Variants in PAX8 observed in about 807,000 individuals in gnomAD.
The protein encoded by PAX8 is paired box protein Pax-8.
PAX8 carries 15 observed loss-of-function variants against 52.4 expected under a neutral mutation model. That is an observed-to-expected ratio of 0.29 (90% CI 0.19 to 0.44). The LOEUF is 0.44. PAX8 is among the 20% of genes least tolerant of loss of function. The pLI is 1.00. For missense variants in PAX8, 554 were observed against 602.5 expected (o/e 0.92, Z 0.84); for synonymous variants, 284 against 249.7 (o/e 1.14, Z -1.29).
intron 11 of PAX8, among the ~76,000 whole-genome samples, chr2:113,219,349 G>A (rs142125805): frequency 3.9e-5 from 6 of 152,256 alleles, no homozygotes; most frequent in African/African-American, 7.2e-5. Context: ...GTCTGGCTCC[G>A]GTTTGCTCTG....
At position 113,235,441 on chromosome 2, in the gene PAX8, T is replaced by C. The variant is rs368377605; in HGVS notation, c.1040A>G (p.His347Arg). 2.2e-5 allele frequency: 36 copies of C among 1,608,704 alleles called. No homozygotes were observed. Among genetic ancestry groups the C allele is most frequent in the Admixed American group, 1.4e-4 (8 of 59,110 alleles). ...GAACTGCCCGTACACGGAGGCAGCA[T>C]GGGGAAAGGCATTGAAGGGCGGGAC... is the stretch of plus-strand genomic sequence containing the variant. ...SGVPPFNAFP[H>R]AASVYGQFTG... The change falls in exon 9 of 12, where the codon CAT (histidine) becomes CGT (arginine). Residue 347 changes from histidine to arginine, a missense_variant. Coordinates refer to ENST00000429538, the MANE Select transcript of PAX8 (RefSeq NM_003466.4).
At chr2:113,234,797 G>C (rs4849183) in intron 9 of PAX8, among the ~76,000 whole-genome samples, 84,198 of 152,104 alleles carry the variant, frequency 0.55, 23,898 homozygotes, top group African/African-American at 0.67. Flanking sequence ...GAATTACAGG[G>C]GTGAGCCACC....
In PAX8 at chr2:113,241,583, A is replaced by G; in HGVS notation, c.745T>C (p.Tyr249His). 1 of 1,610,966 alleles carries G rather than the reference A, an allele frequency of 6.2e-7. No individual in the cohort carries two copies. The highest frequency in any genetic ancestry group is 1.7e-4 in the Middle Eastern group (1 of 6,054). ...CCTTTGGTGTGGCTGGGGGAGGCATAGGCCTCTGGGTAGTGCTGCCGCTCA... is the reference window on the plus strand; with the variant it reads ...CCTTTGGTGTGGCTGGGGGAGGCATGGGCCTCTGGGTAGTGCTGCCGCTCA... ...PFERQHYPEA[Y>H]ASPSHTKGEQ... Residue 249 changes from tyrosine (Y) to histidine (H), a missense_variant, in exon 7 of 12, where the codon TAT becomes CAT. Tyr to His is a moderately conservative substitution (Grantham distance 83). Around this residue, in one of 2 missense-constraint regions of PAX8, gnomAD observed 445 missense variants for 409.9 expected, o/e 1.09. Transcript: ENST00000429538.
intron 9 of PAX8, among the ~76,000 whole-genome samples, chr2:113,231,778 G>C (rs1689908376): frequency 6.6e-6 from 1 of 152,004 alleles, no homozygotes; most frequent in African/African-American, 2.4e-5. Flanking sequence ...GCCCAGGCTG[G>C]AGTGCAATGG....
Position 113,220,382 on chromosome 2 carries a change from G to A in PAX8, c.1190-204C>T, listed in dbSNP as rs1689205987. On this transcript the variant is annotated intron_variant, in intron 10 of 11. Coordinates refer to ENST00000429538, the MANE Select transcript of PAX8 (RefSeq NM_003466.4). Reference sequence around the variant, plus strand: ...ATCGATCTGGAAAATTTGGGGCAGTGTCCTTTTCCGTAGGTACTGGAGGCA... The same window carrying A: ...ATCGATCTGGAAAATTTGGGGCAGTATCCTTTTCCGTAGGTACTGGAGGCA... The A allele has an allele frequency of 5.2e-6, 3 of 580,692 alleles. No homozygotes were observed. The South Asian group carries it at 6.2e-5, about 12-fold the overall frequency. 36.0% of individuals were successfully genotyped at this position (580,692 alleles called of 1,614,324 possible).
At chr2:113,261,036 T>C (rs1192227052) in intron 2 of PAX8, among the ~76,000 whole-genome samples, 1 of 152,046 alleles carries the variant, frequency 6.6e-6, no homozygotes, top group Non-Finnish European at 1.5e-5. Context: ...AGGAGCAAAA[T>C]CTGTGACAAA....
At chr2:113,231,152 T>C (rs66775912) in intron 9 of PAX8, among the ~76,000 whole-genome samples, 25,323 of 152,232 alleles carry the variant, frequency 0.17, 2,305 homozygotes, top group African/African-American at 0.25. Context: ...CTCGTTCTGA[T>C]AGCAAGGAGA....
At chr2:113,227,365 G>T (rs1689645408) in intron 9 of PAX8, 109 bp from the exon 10 acceptor site, 9 of 910,618 alleles carry the variant, frequency 9.9e-6, no homozygotes, top group Non-Finnish European at 1.5e-5. Context: ...CCTCTCTACA[G>T]CCATTCTCCA....
chr2:113,268,986 T>G (rs888429411), intron 2 of PAX8: 3 of 152,358 alleles, frequency 2.0e-5, no homozygotes, highest in African/African-American at 7.2e-5. Flanking sequence ...ATGGGGACCT[T>G]CCTGGTATGG....
chr2:113,234,891 T>C (rs190463109), intron 9 of PAX8, among the ~76,000 whole-genome samples: 8 of 152,320 alleles, frequency 5.3e-5, no homozygotes, highest in Admixed American at 4.6e-4. Context: ...CTCAAGTTGT[T>C]GAATCACTGA....
chr2:113,224,723 G>C (rs1025940668), intron 10 of PAX8, among the ~76,000 whole-genome samples: 20 of 151,850 alleles, frequency 1.3e-4, no homozygotes, highest in African/African-American at 4.8e-4. Context: ...ATGGATCCAT[G>C]TGTCTGGAGC....
At chr2:113,222,779 T>C (rs1689341265) in intron 10 of PAX8, among the ~76,000 whole-genome samples, 1 of 152,106 alleles carries the variant, frequency 6.6e-6, no homozygotes, top group African/African-American at 2.4e-5. Flanking sequence ...TATCCCTTCC[T>C]ATCAGGCCAA....
At chr2:113,241,886 GAC>G in intron 6 of PAX8, 120 bp downstream of exon 6, 10 of 1,441,408 alleles carry the variant, frequency 6.9e-6, no homozygotes, top group Non-Finnish European at 9.6e-6. Context: ...CAGGACATGT[GAC>G]AGTCACATGC....
chr2:113,231,472 T>G (rs958184056), intron 9 of PAX8, among the ~76,000 whole-genome samples: 5 of 152,220 alleles, frequency 3.3e-5, no homozygotes, highest in African/African-American at 1.2e-4. Context: ...CTCAGAAGGA[T>G]AGTCACCTTG....
chr2:113,258,457 A>C (rs905773054), intron 2 of PAX8, among the ~76,000 whole-genome samples: 3 of 150,764 alleles, frequency 2.0e-5, no homozygotes, highest in Non-Finnish European at 4.4e-5. Context: ...AAGATGGCAG[A>C]CTCCTCCAAT....
At chr2:113,264,015 T>C (rs189806382) in intron 2 of PAX8, among the ~76,000 whole-genome samples, 186 of 152,360 alleles carry the variant, frequency 1.2e-3, no homozygotes, top group Admixed American at 1.6e-3. Flanking sequence ...AAGCACTTAG[T>C]ATATGTCTAC....
chr2:113,269,127 A>G (rs928752294), intron 2 of PAX8: 3 of 152,264 alleles, frequency 2.0e-5, no homozygotes, highest in East Asian at 1.9e-4. Flanking sequence ...CTGTGAAGGC[A>G]TGGAGCCTAG....
chr2:113,230,008 T>C (rs1689794578), intron 9 of PAX8, among the ~76,000 whole-genome samples: 1 of 152,236 alleles, frequency 6.6e-6, no homozygotes, highest in African/African-American at 2.4e-5. Context: ...CTTAATTCTC[T>C]GAACCACGTC....
chr2:113,264,027 A>G (rs1384926797), intron 2 of PAX8, among the ~76,000 whole-genome samples: 1 of 152,226 alleles, frequency 6.6e-6, no homozygotes, highest in Non-Finnish European at 1.5e-5. Flanking sequence ...TATGTCTACT[A>G]TGTGCTAGAT....
Sources: allele counts gnomAD v4.1 joint callset (sites outside exome capture counted in the v4.1 genomes callset), GRCh38; gene constraint gnomAD v4.1.1; regional missense constraint gnomAD v4.1.1; transcripts MANE v1.5; gene names NCBI Gene and HGNC (gene_info 2026-07-23, HGNC 2026-07-21).